KCND3: variants seen among roughly 807,000 people sequenced by gnomAD.
The protein encoded by KCND3 is A-type voltage-gated potassium channel KCND3.
KCND3 carries 9 observed loss-of-function variants against 51.1 expected under a neutral mutation model. The ratio of observed to expected loss-of-function variants is 0.18; its 90% CI spans 0.11 to 0.31. The LOEUF (loss-of-function observed/expected upper bound fraction) is 0.31. Ranked by LOEUF, KCND3 falls within the 10% of genes least tolerant of loss-of-function variation. KCND3 has a pLI of 1.00. For synonymous variants in KCND3, 349 were observed against 368.0 expected (o/e 0.95, Z 0.59); for missense variants, 526 against 903.8 (o/e 0.58, Z 5.36).
Position 111,780,924 on chromosome 1 carries a change from A to G in KCND3, c.1270-133T>C, listed in dbSNP as rs1664356423. On this transcript the variant is annotated intron_variant, in intron 3 of 7. Coordinates refer to ENST00000302127, the MANE Select transcript of KCND3 (RefSeq NM_001378969.1). The surrounding 1 kb of genome is among the most constrained non-coding windows in gnomAD (Gnocchi z 4.2). Reference sequence around the variant, plus strand: ...GATGAGGCTGTTTCTCTCCAACCTCATGCATCTCCAGTTGTGTACCCACTT... The same window carrying G: ...GATGAGGCTGTTTCTCTCCAACCTCGTGCATCTCCAGTTGTGTACCCACTT... 2.7e-6 allele frequency: 2 copies of G among 749,094 alleles called. No individual in the cohort carries two copies. The highest frequency in any genetic ancestry group is 2.0e-5 in the Admixed American group (1 of 49,970). 46.4% of individuals were successfully genotyped at this position (749,094 alleles called of 1,614,324 possible).
intron 2 of KCND3, among the ~76,000 whole-genome samples, chr1:111,809,030 A>G (rs1571672171): frequency 1.3e-5 from 2 of 152,314 alleles, no homozygotes; most frequent in South Asian, 4.1e-4. Context: ...CTCCCTTTAA[A>G]TAGGCCTGAA....
intron 2 of KCND3, chr1:111,853,678 G>C (rs1667925777): frequency 1.3e-5 from 2 of 152,230 alleles, no homozygotes; most frequent in Admixed American, 6.5e-5. Flanking sequence ...CCCTACTAGA[G>C]TGTAAGCTCC....
chr1:111,929,788 C>T (rs550383177), intron 2 of KCND3, among the ~76,000 whole-genome samples: 27 of 152,318 alleles, frequency 1.8e-4, no homozygotes, highest in African/African-American at 5.1e-4. Flanking sequence ...CCCCAGCAGA[C>T]GCACATTGTT....
intron 2 of KCND3, among the ~76,000 whole-genome samples, chr1:111,905,922 T>G (rs1190061464): frequency 3.9e-5 from 6 of 152,212 alleles, no homozygotes; most frequent in Non-Finnish European, 8.8e-5. Flanking sequence ...GGCCCCTGTA[T>G]TTTACAGATG....
intron 2 of KCND3, among the ~76,000 whole-genome samples, chr1:111,798,027 C>T (rs1665131783): frequency 6.6e-6 from 1 of 152,154 alleles, no homozygotes; most frequent in African/African-American, 2.4e-5. Flanking sequence ...AAAGAGAGGA[C>T]AGATAGGTAC....
At position 111,854,456 on chromosome 1, in the gene KCND3, AG is replaced by A. The variant is rs1667965100; in HGVS notation, c.1107-67351del. ...TCCTCTGCTGTGGCTAGAGGGGCTT[AG>A]CCTAGATAGGGACTTTGGGGAGCTC... On this transcript the variant is annotated intron_variant, in intron 2 of 7. Coordinates refer to ENST00000302127, the MANE Select transcript of KCND3 (RefSeq NM_001378969.1). Among the ~76,000 whole-genome samples the A allele has an allele frequency of 2.6e-5, 4 of 152,114 alleles. No individual in the cohort carries two copies. The South Asian group carries it at 8.3e-4, about 32-fold the overall frequency.
At chr1:111,870,338 T>C (rs956605394) in intron 2 of KCND3, among the ~76,000 whole-genome samples, 3 of 152,160 alleles carry the variant, frequency 2.0e-5, no homozygotes, top group Admixed American at 6.5e-5. Flanking sequence ...AGGGGGCAAT[T>C]GCAGTGCAGA....
intron 2 of KCND3, among the ~76,000 whole-genome samples, chr1:111,847,556 G>A (rs759788555): frequency 1.6e-4 from 25 of 152,180 alleles, no homozygotes; most frequent in Non-Finnish European, 3.1e-4. Context: ...GCGTGCCCGC[G>A]TGCATATGTG....
intron 2 of KCND3, among the ~76,000 whole-genome samples, chr1:111,878,174 T>C (rs536753839): frequency 6.6e-6 from 1 of 152,326 alleles, no homozygotes; most frequent in African/African-American, 2.4e-5. Context: ...TCTGTACTTA[T>C]TTCCTCTGGC....
At chr1:111,976,617 A>G (rs1441654432) in intron 2 of KCND3, among the ~76,000 whole-genome samples, 1 of 152,250 alleles carries the variant, frequency 6.6e-6, no homozygotes. Context: ...AAAGACACAT[A>G]AACAGCTGAA....
intron 2 of KCND3, among the ~76,000 whole-genome samples, chr1:111,805,028 C>T (rs1312590191): frequency 6.6e-6 from 1 of 152,180 alleles, no homozygotes; most frequent in African/African-American, 2.4e-5. Flanking sequence ...GGGAGATCCT[C>T]CCAGCTGCAG....
rs893587239 is a variant in KCND3 at position 111,981,337 on chromosome 1, C to T, written c.1106+284G>A. Among the ~76,000 whole-genome samples the T allele has an allele frequency of 6.6e-6, 1 of 152,126 alleles. No homozygotes were observed. The highest frequency in any genetic ancestry group is 1.9e-4 in the East Asian group (1 of 5,194). ...CATCACCTCACCCCGAGACTTCACACGCACACAAGGCATGGCTGAAAAAAG... is the reference window on the plus strand; with the variant it reads ...CATCACCTCACCCCGAGACTTCACATGCACACAAGGCATGGCTGAAAAAAG... On this transcript the variant is annotated intron_variant, in intron 2 of 7. Coordinates refer to ENST00000302127, the MANE Select transcript of KCND3 (RefSeq NM_001378969.1). This position sits in a 1 kb window ranked among gnomAD's most constrained non-coding sequence, Gnocchi z 6.2.
chr1:111,976,931 A>G (rs1198344613), intron 2 of KCND3, among the ~76,000 whole-genome samples: 4 of 152,256 alleles, frequency 2.6e-5, no homozygotes, highest in Admixed American at 6.5e-5. Flanking sequence ...GAAGCACTCA[A>G]TAAGTGTTGA....
intron 2 of KCND3, among the ~76,000 whole-genome samples, chr1:111,849,852 C>CT (rs1257579073): frequency 1.3e-5 from 2 of 152,172 alleles, no homozygotes; most frequent in Non-Finnish European, 2.9e-5. Context: ...TCTCTGATCC[C>CT]TTTATGCATT....
intron 2 of KCND3, among the ~76,000 whole-genome samples, chr1:111,911,251 G>A (rs1670931355): frequency 6.6e-6 from 1 of 152,238 alleles, no homozygotes; most frequent in South Asian, 2.1e-4. Flanking sequence ...TGGCTTGAAA[G>A]TACATGATTA....
At chr1:111,961,175 G>A (rs1673634574) in intron 2 of KCND3, among the ~76,000 whole-genome samples, 1 of 152,194 alleles carries the variant, frequency 6.6e-6, no homozygotes, top group African/African-American at 2.4e-5. Context: ...CCACAGAGGG[G>A]CCTGTCCACC....
chr1:111,979,418 T>C (rs564944025), intron 2 of KCND3, among the ~76,000 whole-genome samples: 1 of 152,364 alleles, frequency 6.6e-6, no homozygotes, highest in South Asian at 2.1e-4. Flanking sequence ...TCTCTGTGTG[T>C]CTGGTACAGT....
intron 2 of KCND3, among the ~76,000 whole-genome samples, chr1:111,830,345 G>A (rs910209208): frequency 2.6e-5 from 4 of 152,154 alleles, no homozygotes; most frequent in Admixed American, 6.5e-5. Flanking sequence ...GGCCCAGTGC[G>A]GTTCCTCAGA....
At chr1:111,897,135 T>C (rs608673) in intron 2 of KCND3, among the ~76,000 whole-genome samples, 92,950 of 152,150 alleles carry the variant, frequency 0.61, 28,837 homozygotes, top group East Asian at 0.89. Context: ...AGCCCCCGCC[T>C]TCCTACAGCG....
Sources: gnomAD v4.1 joint callset for allele counts (sites outside exome capture counted in the v4.1 genomes callset) on GRCh38, gnomAD v4.1.1 for gene constraint, Gnocchi (gnomAD v3.1) non-coding constraint, MANE v1.5 for transcripts, NCBI Gene and HGNC (gene_info 2026-07-23, HGNC 2026-07-21) for gene names.